Variants in RAB14 observed in about 807,000 individuals in gnomAD.
The protein encoded by RAB14 is ras-related protein Rab-14.
Under a neutral mutation model 31.1 loss-of-function variants are expected in RAB14, and 3 were observed. The observed-to-expected ratio is 0.10, with a 90% CI of 0.04 to 0.25. RAB14 has a LOEUF of 0.25. Ranked by LOEUF, RAB14 falls within the 10% of genes least tolerant of loss-of-function variation. RAB14 has a pLI of 1.00. For missense variants in RAB14, 111 were observed against 260.1 expected (o/e 0.43, Z 3.94); for synonymous variants, 85 against 84.9 (o/e 1.00, Z 0.00).
At chr9:121,181,649 T>C in intron 7 of RAB14, 76 bp from the exon 8 acceptor site, 1 of 1,201,188 alleles carries the variant, frequency 8.3e-7, no homozygotes, top group Non-Finnish European at 1.2e-6. Flanking sequence ...TTTGCTAATC[T>C]TTAGTTAACT....
chr9:121,200,838 G>A lies in RAB14; in HGVS notation c.-8+801C>T, dbSNP rs535903458. On this transcript the variant is annotated intron_variant, in intron 1 of 7. Coordinates refer to ENST00000373840, the MANE Select transcript of RAB14 (RefSeq NM_016322.4). ...CAACTTATCTCCGAGGGCTACGCGG[G>A]GCAAGATAAATAGGTACAAAAATAC... is the stretch of plus-strand genomic sequence containing the variant. Among the ~76,000 whole-genome samples the A allele has an allele frequency of 3.0e-4, 45 of 152,200 alleles. No individual in the cohort carries two copies. The South Asian group carries it at 9.3e-3, about 32-fold the overall frequency.
chr9:121,178,763 T>G lies in RAB14; in HGVS notation c.*2633A>C, dbSNP rs776698161. On this transcript the variant is annotated 3_prime_UTR_variant, in exon 8 of 8. Transcript: ENST00000373840. ...AAGACTTCAACATTGTACTGGAAGA[T>G]CTATTTAAGCATAAATAGTACTAAG... is the stretch of plus-strand genomic sequence containing the variant. 4 of 152,200 alleles carry G rather than the reference T, an allele frequency of 2.6e-5. No homozygotes were observed. The highest frequency in any genetic ancestry group is 5.9e-5 in the Non-Finnish European group (4 of 68,046). The allele number at this position is 152,200 out of a possible 1,614,324, so 9.4% of individuals were successfully genotyped here.
At chr9:121,194,094 T>TCA (rs56303323) in intron 1 of RAB14, among the ~76,000 whole-genome samples, 5,288 of 138,960 alleles carry the variant, frequency 0.038, 113 homozygotes, top group African/African-American at 0.07. Context: ...AGATTATCAC[T>TCA]CACACACACA....
At chr9:121,188,865 GGATA>G (rs1353980223) in intron 4 of RAB14, among the ~76,000 whole-genome samples, 1 of 151,890 alleles carries the variant, frequency 6.6e-6, no homozygotes, top group Non-Finnish European at 1.5e-5. Flanking sequence ...GTTGTTTTAA[GGATA>G]GTTACAAACC....
At chr9:121,187,666 A>C (rs1271468021) in intron 4 of RAB14, among the ~76,000 whole-genome samples, 1 of 152,086 alleles carries the variant, frequency 6.6e-6, no homozygotes, top group Non-Finnish European at 1.5e-5. Context: ...CTGGAATTCT[A>C]ACTGCCCAAG....
At position 121,188,982 on chromosome 9, in the gene RAB14, ACTTT is replaced by A. The variant is rs911922128; in HGVS notation, c.284+1568_284+1571del. Among the ~76,000 whole-genome samples, 57 of 152,018 alleles carry A rather than the reference ACTTT, an allele frequency of 3.7e-4. 2 individuals are homozygous for A. The highest frequency in any genetic ancestry group is 7.2e-4 in the Non-Finnish European group (49 of 67,962). On this transcript the variant is annotated intron_variant, in intron 4 of 7. Transcript: ENST00000373840. ...ACTCACTCCCATCCTCTGGCAATCC[ACTTT>A]CTTTCTCTATAAATTTACCAGAATA...
Position 121,179,305 on chromosome 9 carries a change from G to C in RAB14, c.*2091C>G, listed in dbSNP as rs537296754. On this transcript the variant is annotated 3_prime_UTR_variant, in exon 8 of 8. Coordinates refer to ENST00000373840, the MANE Select transcript of RAB14 (RefSeq NM_016322.4). ...ATGCAACCAATTTTAATTTAATCTA[G>C]ATACAGGTACTTTATTTACAAATAT... 1 of 152,686 alleles carries C rather than the reference G, an allele frequency of 6.5e-6. No individual in the cohort carries two copies. The highest frequency in any genetic ancestry group is 2.1e-4 in the South Asian group (1 of 4,824). The allele number at this position is 152,686 out of a possible 1,614,324, so 9.5% of individuals were successfully genotyped here.
intron 1 of RAB14, among the ~76,000 whole-genome samples, chr9:121,200,457 C>T (rs1032444684): frequency 5.9e-5 from 9 of 152,196 alleles, no homozygotes; most frequent in Admixed American, 3.3e-4. Flanking sequence ...GCTGTGGGGT[C>T]ACCAGGAAGG....
At chr9:121,190,184 A>G (rs1387864945) in intron 4 of RAB14, among the ~76,000 whole-genome samples, 2 of 152,232 alleles carry the variant, frequency 1.3e-5, no homozygotes, top group East Asian at 3.9e-4. Context: ...AGAGGTGTAA[A>G]CTTTAACACT....
rs1025107907 is a variant in RAB14, at chr9:121,201,856, G to A, written c.-225C>T. The A allele has an allele frequency of 3.3e-5, 5 of 152,526 alleles. No individual in the cohort carries two copies. Among genetic ancestry groups the A allele is most frequent in the African/African-American group, 4.8e-5 (2 of 41,566 alleles). 9.4% of individuals were successfully genotyped at this position (152,526 alleles called of 1,614,324 possible). A position where few individuals can be genotyped will look rare whatever the true frequency, so the allele number is the denominator to read the frequency against. On this transcript the variant is annotated 5_prime_UTR_variant, in exon 1 of 8. Transcript: ENST00000373840. ...CTGTGCTCCCTCAGTATCTTCCTCGGGCTGGTCCAAGATGGCGGCGCTCCC... is the reference window on the plus strand; with the variant it reads ...CTGTGCTCCCTCAGTATCTTCCTCGAGCTGGTCCAAGATGGCGGCGCTCCC...
chr9:121,188,904 T>C (rs1177591250), intron 4 of RAB14, among the ~76,000 whole-genome samples: 2 of 152,068 alleles, frequency 1.3e-5, no homozygotes, highest in Non-Finnish European at 2.9e-5. Context: ...CACTATCTAA[T>C]TCTAGAACAT....
At position 121,193,423 on chromosome 9, in the gene RAB14, A is replaced by T; in HGVS notation, c.-7-4T>A. On this transcript the variant is annotated splice_polypyrimidine_tract_variant and splice_region_variant and intron_variant, in intron 1 of 7. Coordinates refer to ENST00000373840, the MANE Select transcript of RAB14 (RefSeq NM_016322.4). ...TGGTGCAGTTGCCATGGTGGCACTA[A>T]AAACAAAGAAATCTCTGTTACTTCA... 6.4e-7 allele frequency: 1 copy of T among 1,562,426 alleles called. No individual in the cohort carries two copies. The highest frequency in any genetic ancestry group is 8.7e-7 in the Non-Finnish European group (1 of 1,153,500).
chr9:121,191,822 T>A, intron 3 of RAB14, among the ~76,000 whole-genome samples: 1 of 152,190 alleles, frequency 6.6e-6, no homozygotes, highest in East Asian at 1.9e-4. Context: ...TCAAATCTGT[T>A]ATTTAACAAA....
At chr9:121,201,436 C>A (rs2053779176) in intron 1 of RAB14, among the ~76,000 whole-genome samples, 1 of 152,046 alleles carries the variant, frequency 6.6e-6, no homozygotes, top group Admixed American at 6.5e-5. Flanking sequence ...GCAGGGGACA[C>A]CTCCGCCCCC....
chr9:121,191,274 TAGTC>T (rs2053684637), intron 3 of RAB14, among the ~76,000 whole-genome samples: 1 of 152,152 alleles, frequency 6.6e-6, no homozygotes, highest in Non-Finnish European at 1.5e-5. Flanking sequence ...TAGGAGTTGT[TAGTC>T]AAACAGATTC....
At chr9:121,194,090 T>TCACACACA (rs56275636) in intron 1 of RAB14, among the ~76,000 whole-genome samples, 5,063 of 141,088 alleles carry the variant, frequency 0.036, 106 homozygotes, top group South Asian at 0.071. Flanking sequence ...TTGCAGATTA[T>TCACACACA]CACTCACACA....
At chr9:121,188,615 A>C (rs1356810093) in intron 4 of RAB14, among the ~76,000 whole-genome samples, 1 of 152,000 alleles carries the variant, frequency 6.6e-6, no homozygotes, top group Admixed American at 6.6e-5. Context: ...CTACGCTGTC[A>C]ATTTAGAAAA....
intron 5 of RAB14, among the ~76,000 whole-genome samples, chr9:121,186,726 T>C (rs1192073340): frequency 2.0e-5 from 3 of 152,136 alleles, no homozygotes; most frequent in African/African-American, 7.2e-5. Context: ...ACATTCATAA[T>C]AGTAATGACA....
chr9:121,201,398 G>A (rs984897525), intron 1 of RAB14, among the ~76,000 whole-genome samples: 3 of 152,064 alleles, frequency 2.0e-5, no homozygotes, highest in Admixed American at 2.0e-4. Context: ...GCCGGTTGGG[G>A]AGGGCAGGAG....
Sources: gnomAD v4.1 joint callset for allele counts (sites outside exome capture counted in the v4.1 genomes callset) on GRCh38, gnomAD v4.1.1 for gene constraint, MANE v1.5 for transcripts, NCBI Gene and HGNC (gene_info 2026-07-23, HGNC 2026-07-21) for gene names.